The following ATAD1 variants were observed in gnomAD, a reference collection of about 807,000 sequenced individuals.
ATAD1 encodes the protein ATPase family AAA domain containing 1, also known as outer mitochondrial transmembrane helix translocase.
ATAD1 carries 18 observed loss-of-function variants against 42.7 expected under a neutral mutation model. The ratio of observed to expected loss-of-function variants is 0.42; its 90% confidence interval spans 0.29 to 0.63. The LOEUF is 0.63. Ranked by LOEUF, ATAD1 falls within the 20% of genes least tolerant of loss-of-function variation. The pLI is 0.19. For missense variants in ATAD1, 294 were observed against 440.4 expected (o/e 0.67, Z 2.98); for synonymous variants, 132 against 143.1 (o/e 0.92, Z 0.55).
At chr10:87,768,266 A>G (rs1854860088) in intron 7 of ATAD1, among the ~76,000 whole-genome samples, 3 of 152,188 alleles carry the variant, frequency 2.0e-5, no homozygotes, top group African/African-American at 7.2e-5. Flanking sequence ...CATACAATAA[A>G]TACAAACTAC....
intron 1 of ATAD1, among the ~76,000 whole-genome samples, chr10:87,823,381 AG>A (rs1857666939): frequency 6.6e-6 from 1 of 152,182 alleles, no homozygotes; most frequent in African/African-American, 2.4e-5. Flanking sequence ...GCTTTAATAC[AG>A]TACTGTTCAA....
intron 2 of ATAD1, among the ~76,000 whole-genome samples, chr10:87,812,463 A>G (rs571092525): frequency 7.9e-5 from 12 of 152,186 alleles, no homozygotes; most frequent in Non-Finnish European, 1.5e-4. Context: ...GGGTTTCACC[A>G]TGTTGGCCAG....
chr10:87,785,859 T>C (rs995404899), intron 4 of ATAD1, among the ~76,000 whole-genome samples: 8 of 152,156 alleles, frequency 5.3e-5, no homozygotes, highest in Non-Finnish European at 1.2e-4. Context: ...TTTATAATTC[T>C]TGAAGATTCA....
chr10:87,812,900 A>G (rs1202745432), intron 2 of ATAD1, among the ~76,000 whole-genome samples: 2 of 152,114 alleles, frequency 1.3e-5, no homozygotes, highest in Non-Finnish European at 2.9e-5. Flanking sequence ...TACCACAATC[A>G]CTGGTGACTA....
At chr10:87,773,097 A>G (rs1329454281) in intron 6 of ATAD1, among the ~76,000 whole-genome samples, 1 of 152,040 alleles carries the variant, frequency 6.6e-6, no homozygotes, top group Non-Finnish European at 1.5e-5. Context: ...TGTACAACGA[A>G]CTCCCCAAGA....
rs60189638 is a variant in ATAD1 at position 87,799,496 on chromosome 10, C to T, written c.163-6741G>A. Among the ~76,000 whole-genome samples, 471 of 152,198 alleles carry T rather than the reference C, an allele frequency of 3.1e-3. 1 individual carries two copies. The highest frequency in any genetic ancestry group is 0.01 in the African/African-American group (435 of 41,516). On this transcript the variant is annotated intron_variant, in intron 2 of 9. Coordinates refer to ENST00000680024, the MANE Select transcript of ATAD1 (RefSeq NM_001321967.2). ...GCTAAACTATAAACCAAGTTCCTCC[C>T]GAAGTTAGTTCAGCCTATGCCCAGG...
At chr10:87,832,847 G>A (rs1186720537) in intron 1 of ATAD1, 1 of 152,048 alleles carries the variant, frequency 6.6e-6, no homozygotes, top group African/African-American at 2.4e-5. Flanking sequence ...TGTTACCCAG[G>A]CTAGAATGCA....
intron 2 of ATAD1, among the ~76,000 whole-genome samples, chr10:87,810,375 C>A (rs1325250050): frequency 6.6e-6 from 1 of 151,918 alleles, no homozygotes; most frequent in African/African-American, 2.4e-5. Context: ...ATATACTATA[C>A]ATGTCCATTT....
At chr10:87,767,542 C>T (rs996224395) in intron 8 of ATAD1, 131 bp downstream of exon 8, 16 of 835,562 alleles carry the variant, frequency 1.9e-5, no homozygotes, top group African/African-American at 1.2e-4. Context: ...AGACCAGTAC[C>T]AGTCTGTGGC....
At chr10:87,813,356 T>TC (rs1445672734) in intron 2 of ATAD1, among the ~76,000 whole-genome samples, 2 of 151,750 alleles carry the variant, frequency 1.3e-5, no homozygotes, top group Non-Finnish European at 2.9e-5. Flanking sequence ...GTTTTTCTTT[T>TC]TTTTTTTTTT....
At chr10:87,758,233 T>A (rs1047208446) in intron 8 of ATAD1, among the ~76,000 whole-genome samples, 3 of 149,324 alleles carry the variant, frequency 2.0e-5, no homozygotes, top group Non-Finnish European at 4.4e-5. Context: ...CAGATATTAT[T>A]AACTTAGACT....
chr10:87,815,459 T>C lies in ATAD1; in HGVS notation c.-13-847A>G, dbSNP rs142535992. Among the ~76,000 whole-genome samples the C allele has an allele frequency of 2.7e-3, 410 of 152,156 alleles. 3 individuals carry two copies. Among genetic ancestry groups the C allele is most frequent in the African/African-American group, 9.4e-3 (390 of 41,550 alleles). On this transcript the variant is annotated intron_variant, in intron 1 of 9. Coordinates refer to ENST00000680024, the MANE Select transcript of ATAD1 (RefSeq NM_001321967.2). ...TGGGAGATAGGATCTTAGCTTCAAA[T>C]ACTGCCATTATACTCTCAGCACAGG...
At chr10:87,769,571 A>G (rs1024692575) in intron 7 of ATAD1, among the ~76,000 whole-genome samples, 4 of 152,172 alleles carry the variant, frequency 2.6e-5, no homozygotes, top group South Asian at 2.1e-4. Flanking sequence ...TGCCTCTCCA[A>G]AACAGAATTC....
At chr10:87,818,357 G>A (rs1405428998), upstream of ATAD1, 21 of 670,826 alleles carry the variant, frequency 3.1e-5, no homozygotes, top group Non-Finnish European at 3.9e-5. Flanking sequence ...GCAAATTCGC[G>A]CACCTGATGT....
intron 8 of ATAD1, 114 bp downstream of exon 8, chr10:87,767,559 G>C (rs1854818531): frequency 1.0e-6 from 1 of 979,374 alleles, no homozygotes; most frequent in South Asian, 1.4e-5. Flanking sequence ...TGGCTGCAGG[G>C]GCTGGAGATC....
intron 3 of ATAD1, 25 bp from the exon 4 acceptor site, chr10:87,790,455 A>T (rs1206079792): frequency 1.3e-6 from 2 of 1,583,744 alleles, no homozygotes; most frequent in Non-Finnish European, 1.7e-6. Context: ...GGTCAACATG[A>T]ATTTTACTAC....
At chr10:87,806,241 A>G (rs571959596) in intron 2 of ATAD1, among the ~76,000 whole-genome samples, 1 of 152,174 alleles carries the variant, frequency 6.6e-6, no homozygotes, top group Admixed American at 6.5e-5. Flanking sequence ...CCAGTACCCT[A>G]AACATCATCT....
intron 2 of ATAD1, among the ~76,000 whole-genome samples, 190 bp downstream of exon 2, chr10:87,814,248 A>T (rs1018548106): frequency 3.4e-4 from 51 of 152,222 alleles, no homozygotes; most frequent in Admixed American, 2.2e-3. Context: ...TTATATAGTA[A>T]AAAATGACTT....
At chr10:87,812,189 T>TC (rs1367372677) in intron 2 of ATAD1, among the ~76,000 whole-genome samples, 7 of 152,344 alleles carry the variant, frequency 4.6e-5, no homozygotes, top group Non-Finnish European at 8.8e-5. Flanking sequence ...AGGTGAATTA[T>TC]CCTTAAAACA....
Sources: gnomAD v4.1 joint callset for allele counts (sites outside exome capture counted in the v4.1 genomes callset) on GRCh38, gnomAD v4.1.1 for gene constraint, MANE v1.5 for transcripts, NCBI Gene and HGNC (gene_info 2026-07-23, HGNC 2026-07-21) for gene names.